The following ZEB2 variants were observed in gnomAD, a reference collection of about 807,000 sequenced individuals.
ZEB2 encodes zinc finger E-box-binding homeobox 2.
A neutral mutation model predicts 99.9 loss-of-function variants in ZEB2; 6 were observed. That is an observed-to-expected ratio of 0.06 (90% CI 0.03 to 0.12). The LOEUF is 0.12. Among genes scored for constraint, ZEB2 ranks in the 10% least tolerant of loss-of-function variants. The pLI is 1.00. For missense variants in ZEB2, 969 were observed against 1,502.8 expected, an observed-to-expected ratio of 0.64 and a Z score of 5.87; for synonymous variants, 517 against 542.5, an observed-to-expected ratio of 0.95 and a Z score of 0.65.
rs1206250267 is a variant in ZEB2, at chr2:144,398,218, T to C, written c.2886+83A>G. On this transcript the variant is annotated intron_variant, in intron 8 of 9. Coordinates refer to ENST00000627532, the MANE Select transcript of ZEB2 (RefSeq NM_014795.4). ...TTCTGTTTCTGCTGAGTTTTTTCACTAAGATTTTTTTTTCCTACATGCACA... is the reference window on the plus strand; with the variant it reads ...TTCTGTTTCTGCTGAGTTTTTTCACCAAGATTTTTTTTTCCTACATGCACA... 6.4e-6 allele frequency: 10 copies of C among 1,561,500 alleles called. No homozygotes were observed. The Admixed American group carries it at 1.3e-4, about 20-fold the overall frequency.
chr2:144,450,976 C>G (rs1363295668), intron 2 of ZEB2, among the ~76,000 whole-genome samples: 1 of 152,164 alleles, frequency 6.6e-6, no homozygotes, highest in African/African-American at 2.4e-5. Flanking sequence ...CTGTGACCAG[C>G]CTGGTTTATT....
At chr2:144,483,150 A>ACACACACACACACACACGCG (rs1553968387) in intron 2 of ZEB2, among the ~76,000 whole-genome samples, 3 of 149,546 alleles carry the variant, frequency 2.0e-5, no homozygotes, top group Non-Finnish European at 3.0e-5. Flanking sequence ...ACACACACAC[A>ACACACACACACACACACGCG]CACACACACA....
intron 4 of ZEB2, among the ~76,000 whole-genome samples, chr2:144,416,865 A>G (rs1703546092): frequency 6.6e-6 from 1 of 152,254 alleles, no homozygotes; most frequent in Non-Finnish European, 1.5e-5. Flanking sequence ...CTATACTGTC[A>G]GAAACCCTCT....
chr2:144,489,030 A>G (rs987482331), intron 2 of ZEB2, among the ~76,000 whole-genome samples: 4 of 152,150 alleles, frequency 2.6e-5, no homozygotes, highest in Non-Finnish European at 5.9e-5. Context: ...TTTTATTGTG[A>G]TAAAACATAC....
At chr2:144,517,865 C>A in intron 1 of ZEB2, 2 of 528,416 alleles carry the variant, frequency 3.8e-6, no homozygotes, top group Non-Finnish European at 6.7e-6. Context: ...AACAAACAAA[C>A]AAACAACGCG....
rs558427776 is a variant in ZEB2, at chr2:144,512,032, G to T, written c.73+5246C>A. On this transcript the variant is annotated intron_variant, in intron 2 of 9. Coordinates refer to ENST00000627532, the MANE Select transcript of ZEB2 (RefSeq NM_014795.4). ...AAGACAACCAAAGAGCAATCAAAAAGGTGTCTGACTTGGCCATTCAGACAA... is the reference window on the plus strand; with the variant it reads ...AAGACAACCAAAGAGCAATCAAAAATGTGTCTGACTTGGCCATTCAGACAA... The T allele has an allele frequency of 6.2e-6, 8 of 1,287,136 alleles. No individual in the cohort carries two copies. The East Asian group carries it at 2.8e-4, about 45-fold the overall frequency. The allele number at this position is 1,287,136 out of a possible 1,614,324, so 79.7% of individuals were successfully genotyped here.
At chr2:144,511,684 C>A (rs1705041364) in intron 2 of ZEB2, 1 of 1,286,948 alleles carries the variant, frequency 7.8e-7, no homozygotes, top group Non-Finnish European at 1.0e-6. Context: ...TAAATATATA[C>A]AAAATTCACA....
chr2:144,517,861 C>G lies in ZEB2; in HGVS notation c.-69-442G>C, dbSNP rs1030880578. ...CCCCCCAATTCCCAGAGGAAACAAA[C>G]AAACAAACAACGCGAAACAGCCCCT... On this transcript the variant is annotated intron_variant, in intron 1 of 9. Transcript: ENST00000627532. 3.9e-5 allele frequency: 21 copies of G among 536,154 alleles called. No individual in the cohort carries two copies. In the African/African-American group the frequency reaches 4.3e-4, roughly 11 times the overall value. 33.2% of individuals were successfully genotyped at this position (536,154 alleles called of 1,614,324 possible).
intron 2 of ZEB2, among the ~76,000 whole-genome samples, chr2:144,434,216 G>A (rs146126444): frequency 8.5e-5 from 13 of 152,236 alleles, no homozygotes; most frequent in African/African-American, 3.1e-4. Context: ...TTGTTAATAA[G>A]GCAGCCAATA....
chr2:144,472,749 T>C (rs1704375566), intron 2 of ZEB2, among the ~76,000 whole-genome samples: 1 of 152,006 alleles, frequency 6.6e-6, no homozygotes, highest in Non-Finnish European at 1.5e-5. Flanking sequence ...CCTTGAGTGG[T>C]GTGTACCAGG....
intron 2 of ZEB2, chr2:144,512,071 G>A: frequency 2.3e-6 from 3 of 1,287,126 alleles, no homozygotes; most frequent in South Asian, 2.5e-5. Flanking sequence ...CCCCCTTGTG[G>A]GAATGCGGGA....
rs559458591 is a variant in ZEB2 at position 144,471,925 on chromosome 2, C to T, written c.74-41899G>A. Among the ~76,000 whole-genome samples, 13 of 151,926 alleles carry T rather than the reference C, an allele frequency of 8.6e-5. No homozygotes were observed. In the South Asian group the frequency reaches 1.0e-3, roughly 12 times the overall value. On this transcript the variant is annotated intron_variant, in intron 2 of 9. Transcript: ENST00000627532. ...AGCTTGTATGAATTTTCCACCAAAA[C>T]GTAAATTATTAACAAGTCAGAGTTT...
chr2:144,440,742 G>A lies in ZEB2; in HGVS notation c.74-10716C>T, dbSNP rs182273791. Among the ~76,000 whole-genome samples the A allele has an allele frequency of 4.0e-5, 6 of 151,736 alleles. No individual in the cohort carries two copies. The East Asian group carries it at 9.7e-4, about 24-fold the overall frequency. On this transcript the variant is annotated intron_variant, in intron 2 of 9. Transcript: ENST00000627532. ...TTTAAATTTTTAGTTGACTAATTTA[G>A]TGTCAAGTCTCATTTTACAAAAGGA...
intron 2 of ZEB2, chr2:144,516,221 C>CCG (rs1705137275): frequency 7.6e-6 from 1 of 131,262 alleles, no homozygotes; most frequent in African/African-American, 3.1e-5. Flanking sequence ...TCAGCTCCCC[C>CCG]ACCCCCCCCC....
chr2:144,407,334 T>C lies in ZEB2; in HGVS notation c.404-2310A>G, dbSNP rs1376526289. Among the ~76,000 whole-genome samples, 5 of 152,246 alleles carry C rather than the reference T, an allele frequency of 3.3e-5. No individual in the cohort carries two copies. In the East Asian group the frequency reaches 9.6e-4, roughly 29 times the overall value. ...TTTATACCTTGAAATTTTGCTTAAATCTGTTATTAGCTGGACTTAATAAAG... is the reference window on the plus strand; with the variant it reads ...TTTATACCTTGAAATTTTGCTTAAACCTGTTATTAGCTGGACTTAATAAAG... On this transcript the variant is annotated intron_variant, in intron 4 of 9. Coordinates refer to ENST00000627532, the MANE Select transcript of ZEB2 (RefSeq NM_014795.4).
intron 2 of ZEB2, among the ~76,000 whole-genome samples, chr2:144,509,617 A>ATG (rs562680838): frequency 3.3e-5 from 5 of 151,296 alleles, no homozygotes; most frequent in South Asian, 4.2e-4. Flanking sequence ...GTGTGTGTGA[A>ATG]TGTGTGTGTG....
At chr2:144,516,964 A>AGGCGGAGGCGGAGGGAG in intron 2 of ZEB2, among the ~76,000 whole-genome samples, 1 of 150,168 alleles carries the variant, frequency 6.7e-6, no homozygotes, top group East Asian at 2.0e-4. Flanking sequence ...GCGGAGCGGG[A>AGGCGGAGGCGGAGGGAG]GGCGGAGGCG....
chr2:144,517,652 G>C, intron 1 of ZEB2: 1 of 698,754 alleles, frequency 1.4e-6, no homozygotes, highest in Non-Finnish European at 2.6e-6. Flanking sequence ...AGAGAGACAA[G>C]AATTACATCT....
chr2:144,408,014 A>AT (rs1703411022), intron 4 of ZEB2, among the ~76,000 whole-genome samples: 1 of 152,136 alleles, frequency 6.6e-6, no homozygotes. Flanking sequence ...GAAAATTCTG[A>AT]TTTTTCTGGA....
Sources: allele counts gnomAD v4.1 joint callset (sites outside exome capture counted in the v4.1 genomes callset), GRCh38; gene constraint gnomAD v4.1.1; transcripts MANE v1.5; gene names NCBI Gene and HGNC (gene_info 2026-07-23, HGNC 2026-07-21).